The following PAPSS1 variants were observed in gnomAD, a reference collection of about 807,000 sequenced individuals.
PAPSS1 encodes the protein 3'-phosphoadenosine 5'-phosphosulfate synthase 1.
In PAPSS1, 50 loss-of-function variants were observed where a neutral mutation model predicts 72.0. The ratio of observed to expected loss-of-function variants is 0.69; its 90% CI spans 0.55 to 0.88. The LOEUF (loss-of-function observed/expected upper bound fraction) is 0.88. Among genes scored for constraint, PAPSS1 ranks in the 40% least tolerant of loss-of-function variants. PAPSS1 has a pLI of 0.00. For synonymous variants in PAPSS1, 261 were observed against 263.6 expected (o/e 0.99, Z 0.09); for missense variants, 657 against 782.2 (o/e 0.84, Z 1.91).
chr4:107,641,622 C>T, intron 10 of PAPSS1, among the ~76,000 whole-genome samples: 1 of 152,164 alleles, frequency 6.6e-6, no homozygotes, highest in Non-Finnish European at 1.5e-5. Flanking sequence ...CGCATGCATG[C>T]AAAGCAGCTA....
At chr4:107,647,758 T>C (rs1425022867) in intron 9 of PAPSS1, among the ~76,000 whole-genome samples, 1 of 152,160 alleles carries the variant, frequency 6.6e-6, no homozygotes. Flanking sequence ...CACCTGTTTC[T>C]GACATCTTGT....
At chr4:107,693,658 G>T in intron 3 of PAPSS1, 113 bp downstream of exon 3, 1 of 686,248 alleles carries the variant, frequency 1.5e-6, no homozygotes, top group Non-Finnish European at 2.6e-6. Flanking sequence ...TGGTAGCTGG[G>T]GAGGAGTAGA....
intron 1 of PAPSS1, among the ~76,000 whole-genome samples, chr4:107,710,018 C>T (rs1723445900): frequency 6.6e-6 from 1 of 152,198 alleles, no homozygotes. Flanking sequence ...AATTTTTAGA[C>T]TCCACAGCCA....
chr4:107,665,847 C>A (rs1727301890), intron 5 of PAPSS1, among the ~76,000 whole-genome samples: 1 of 152,140 alleles, frequency 6.6e-6, no homozygotes, highest in Non-Finnish European at 1.5e-5. Flanking sequence ...CACTGGCAGG[C>A]AGGGCAAACA....
intron 11 of PAPSS1, among the ~76,000 whole-genome samples, chr4:107,615,455 C>T (rs1725796033): frequency 6.6e-6 from 1 of 152,116 alleles, no homozygotes; most frequent in African/African-American, 2.4e-5. Context: ...ACCAAGTGGC[C>T]CTGGCTTCTG....
At chr4:107,674,703 T>C (rs767836669) in intron 5 of PAPSS1, among the ~76,000 whole-genome samples, 25 of 151,916 alleles carry the variant, frequency 1.6e-4, no homozygotes, top group Non-Finnish European at 3.2e-4. Context: ...TCTACAGAAC[T>C]CTCCACCCCA....
chr4:107,632,171 T>A (rs978325805), intron 10 of PAPSS1, among the ~76,000 whole-genome samples: 2 of 152,190 alleles, frequency 1.3e-5, no homozygotes, highest in African/African-American at 4.8e-5. Context: ...AACTACCAGA[T>A]GCCATTTACA....
At chr4:107,660,262 C>T (rs1727142771) in intron 5 of PAPSS1, among the ~76,000 whole-genome samples, 190 bp from the exon 6 acceptor site, 1 of 151,966 alleles carries the variant, frequency 6.6e-6, no homozygotes, top group South Asian at 2.1e-4. Context: ...GTAATTAAGC[C>T]CAATGTCCCA....
intron 5 of PAPSS1, among the ~76,000 whole-genome samples, chr4:107,672,728 C>T (rs1465421898): frequency 6.6e-6 from 1 of 152,164 alleles, no homozygotes. Flanking sequence ...AGTGGTTCTC[C>T]CAGCATGCAG....
chr4:107,637,459 T>C (rs928102339), intron 10 of PAPSS1, among the ~76,000 whole-genome samples: 1 of 152,184 alleles, frequency 6.6e-6, no homozygotes, highest in Non-Finnish European at 1.5e-5. Flanking sequence ...ATAATACCAC[T>C]ACCACTAAAC....
intron 2 of PAPSS1, among the ~76,000 whole-genome samples, chr4:107,698,505 A>G (rs192233870): frequency 3.4e-4 from 52 of 152,320 alleles, no homozygotes; most frequent in African/African-American, 1.2e-3. Flanking sequence ...CCTGAACAGA[A>G]TAACTCTTCT....
Position 107,619,505 on chromosome 4 carries a change from C to CA in PAPSS1, c.1737-5119dup, listed in dbSNP as rs762834151. 4.1e-4 allele frequency among the ~76,000 whole-genome samples: 62 copies of CA among 152,096 alleles called. 1 individual carries two copies. Among genetic ancestry groups the CA allele is most frequent in the Non-Finnish European group, 1.6e-4 (11 of 68,026 alleles). ...TTCAAGGAGTGGACACAAGAGTCACCAAAATCAAATCATATTTTTCACAAG... is the reference window on the plus strand; with the variant it reads ...TTCAAGGAGTGGACACAAGAGTCACCAAAAATCAAATCATATTTTTCACAAG... On this transcript the variant is annotated intron_variant, in intron 11 of 11. Coordinates refer to ENST00000265174, the MANE Select transcript of PAPSS1 (RefSeq NM_005443.5).
At chr4:107,686,687 A>G (rs1722795886) in intron 4 of PAPSS1, among the ~76,000 whole-genome samples, 1 of 152,230 alleles carries the variant, frequency 6.6e-6, no homozygotes, top group African/African-American at 2.4e-5. Context: ...TCCAATAGCT[A>G]TGGGATTTCC....
intron 5 of PAPSS1, among the ~76,000 whole-genome samples, chr4:107,678,122 C>G (rs1023216438): frequency 6.6e-6 from 1 of 151,324 alleles, no homozygotes; most frequent in Non-Finnish European, 1.5e-5. Context: ...ACCAACATGG[C>G]ACATGTATAC....
intron 1 of PAPSS1, among the ~76,000 whole-genome samples, chr4:107,705,988 C>G (rs1322596718): frequency 1.3e-5 from 2 of 152,208 alleles, no homozygotes; most frequent in Non-Finnish European, 2.9e-5. Context: ...TCAACCCAGT[C>G]TCTCCTGGAC....
At chr4:107,670,782 C>T (rs900000898) in intron 5 of PAPSS1, among the ~76,000 whole-genome samples, 1 of 152,184 alleles carries the variant, frequency 6.6e-6, no homozygotes, top group Non-Finnish European at 1.5e-5. Context: ...AAGCAATCTT[C>T]CTGCTTCAGT....
At chr4:107,645,769 G>A (rs774876627) in intron 9 of PAPSS1, among the ~76,000 whole-genome samples, 1 of 152,126 alleles carries the variant, frequency 6.6e-6, no homozygotes, top group Non-Finnish European at 1.5e-5. Flanking sequence ...AGTTAGAGGA[G>A]CTCTGTATTT....
intron 1 of PAPSS1, among the ~76,000 whole-genome samples, chr4:107,708,201 ATTCAT>A (rs1490613905): frequency 1.3e-5 from 2 of 152,222 alleles, no homozygotes; most frequent in Non-Finnish European, 2.9e-5. Context: ...GAGTCTCTAG[ATTCAT>A]TTCTTTTCAA....
At chr4:107,696,510 G>A (rs928376329) in intron 2 of PAPSS1, among the ~76,000 whole-genome samples, 7 of 152,182 alleles carry the variant, frequency 4.6e-5, no homozygotes, top group South Asian at 4.1e-4. Context: ...TCTCATAAGC[G>A]GGAGCTGAAC....
Sources: allele counts gnomAD v4.1 joint callset (sites outside exome capture counted in the v4.1 genomes callset), GRCh38; gene constraint gnomAD v4.1.1; transcripts MANE v1.5; gene names NCBI Gene and HGNC (gene_info 2026-07-23, HGNC 2026-07-21).